Variants in RBFOX3 observed in about 807,000 individuals in gnomAD.
RBFOX3 encodes the protein RNA binding protein fox-1 homolog 3.
Under a neutral mutation model 48.7 loss-of-function variants are expected in RBFOX3, and 17 were observed. The observed-to-expected ratio is 0.35, with a 90% CI of 0.24 to 0.52. The LOEUF is 0.52. Among genes scored for constraint, RBFOX3 ranks in the 20% least tolerant of loss-of-function variants. RBFOX3 has a pLI of 0.94. For synonymous variants in RBFOX3, 212 were observed against 209.5 expected (o/e 1.01, Z -0.10); for missense variants, 382 against 497.5 (o/e 0.77, Z 2.21).
rs981850645 is a variant in RBFOX3, at chr17:79,090,140, C to T, written c.*743G>A. The stretch of plus-strand genomic sequence containing the variant: ...TCCTTGGCCTCAGGGCCCACTTGGC[C>T]ACACTTGGAGGTGTGAGGAGTGGCT... On this transcript the variant is annotated 3_prime_UTR_variant, in exon 15 of 15. Transcript: ENST00000693108. 3.9e-5 allele frequency: 6 copies of T among 152,362 alleles called. No individual in the cohort carries two copies. The highest frequency in any genetic ancestry group is 2.6e-4 in the Admixed American group (4 of 15,292). 9.4% of individuals were successfully genotyped at this position (152,362 alleles called of 1,614,324 possible).
chr17:79,172,312 T>C (rs2049506329), intron 4 of RBFOX3, among the ~76,000 whole-genome samples: 1 of 152,208 alleles, frequency 6.6e-6, no homozygotes, highest in Non-Finnish European at 1.5e-5. Flanking sequence ...AACATCTTTA[T>C]GAAAACCATG....
intron 2 of RBFOX3, among the ~76,000 whole-genome samples, chr17:79,323,942 T>C (rs1436299046): frequency 1.3e-5 from 2 of 152,246 alleles, no homozygotes; most frequent in South Asian, 4.1e-4. Context: ...TTTGCAAATC[T>C]TCAGGTGCCC....
At chr17:79,194,036 C>T (rs929216066) in intron 4 of RBFOX3, among the ~76,000 whole-genome samples, 2 of 152,126 alleles carry the variant, frequency 1.3e-5, no homozygotes, top group African/African-American at 2.4e-5. Flanking sequence ...AAGGCAGCAC[C>T]GAAACCCTGA....
intron 1 of RBFOX3, among the ~76,000 whole-genome samples, chr17:79,487,619 G>C (rs1373017572): frequency 6.6e-6 from 1 of 152,104 alleles, no homozygotes; most frequent in Non-Finnish European, 1.5e-5. Flanking sequence ...AGTCAATCTG[G>C]GTGAGTGGCA....
chr17:79,292,959 A>G (rs1000191988), intron 3 of RBFOX3, among the ~76,000 whole-genome samples: 1 of 152,060 alleles, frequency 6.6e-6, no homozygotes, highest in Admixed American at 6.6e-5. Flanking sequence ...GGGTTTTTAT[A>G]CCTGCCCCCA....
intron 4 of RBFOX3, among the ~76,000 whole-genome samples, chr17:79,155,206 T>C (rs1056258643): frequency 6.6e-6 from 1 of 152,220 alleles, no homozygotes; most frequent in African/African-American, 2.4e-5. Flanking sequence ...GGTTTTATTG[T>C]GAACACAGAG....
Position 79,214,619 on chromosome 17 carries a change from G to A in RBFOX3, c.-34+21147C>T, listed in dbSNP as rs188945928. On this transcript the variant is annotated intron_variant, in intron 4 of 14. Transcript: ENST00000693108. The surrounding 1 kb of genome is among the most constrained non-coding windows in gnomAD (Gnocchi z 4.7). ...GCCTCTGTGGCTGTCCAGGGAGAGA[G>A]AGGAGGAGCCCAGGCTCCCAGGCAG... 2.4e-3 allele frequency among the ~76,000 whole-genome samples: 368 copies of A among 152,108 alleles called. 8 individuals carry two copies. Among genetic ancestry groups the A allele is most frequent in the Admixed American group, 0.016 (243 of 15,298 alleles).
chr17:79,650,654 C>T, the RBFOX3 span, among the ~76,000 whole-genome samples: 1 of 152,082 alleles, frequency 6.6e-6, no homozygotes, highest in Non-Finnish European at 1.5e-5. Context: ...CCCCAGAACC[C>T]AGGACCCACC....
At chr17:79,651,029 G>T in the RBFOX3 span, among the ~76,000 whole-genome samples, 1 of 152,238 alleles carries the variant, frequency 6.6e-6, no homozygotes. Flanking sequence ...TCCAGGCAGG[G>T]GATTCCAGGT....
intron 4 of RBFOX3, among the ~76,000 whole-genome samples, chr17:79,149,203 A>G (rs1264856512): frequency 6.6e-6 from 1 of 152,212 alleles, no homozygotes; most frequent in Non-Finnish European, 1.5e-5. Flanking sequence ...TACACCAGGG[A>G]TGGTGTTTCC....
intron 4 of RBFOX3, among the ~76,000 whole-genome samples, chr17:79,200,413 C>T (rs1163701155): frequency 6.6e-6 from 1 of 152,350 alleles, no homozygotes; most frequent in East Asian, 1.9e-4. Flanking sequence ...AGGTGTCCCA[C>T]CTAGTCTAAG....
chr17:79,181,438 C>T (rs2051917381), intron 4 of RBFOX3, among the ~76,000 whole-genome samples: 1 of 152,242 alleles, frequency 6.6e-6, no homozygotes. Flanking sequence ...CCTATCCTGA[C>T]TCCCTGTGAT....
intron 2 of RBFOX3, among the ~76,000 whole-genome samples, chr17:79,340,058 G>A (rs1344614991): frequency 6.6e-6 from 1 of 152,138 alleles, no homozygotes; most frequent in Non-Finnish European, 1.5e-5. Context: ...CAGCACTTTG[G>A]GAGGCCAAGG....
At chr17:79,409,534 C>T (rs2148551341) in intron 2 of RBFOX3, among the ~76,000 whole-genome samples, 1 of 152,344 alleles carries the variant, frequency 6.6e-6, no homozygotes, top group South Asian at 2.1e-4. Flanking sequence ...CCTTCTGTGG[C>T]CTATGAAGTG....
chr17:79,176,214 G>A (rs2050509943), intron 4 of RBFOX3, among the ~76,000 whole-genome samples: 1 of 152,212 alleles, frequency 6.6e-6, no homozygotes, highest in African/African-American at 2.4e-5. Context: ...CAGGGCGAGG[G>A]CATGGCCCTT....
intron 2 of RBFOX3, among the ~76,000 whole-genome samples, chr17:79,409,023 C>T (rs1439052849): frequency 6.6e-6 from 1 of 152,184 alleles, no homozygotes; most frequent in Non-Finnish European, 1.5e-5. Context: ...CAGCCCTCAG[C>T]GACCACCAAT....
chr17:79,275,387 T>G (rs1391842754), intron 3 of RBFOX3, among the ~76,000 whole-genome samples: 1 of 152,104 alleles, frequency 6.6e-6, no homozygotes, highest in African/African-American at 2.4e-5. Context: ...AGCCTGGGCC[T>G]CACACTTGTT....
chr17:79,437,997 G>T (rs549330666), intron 2 of RBFOX3, among the ~76,000 whole-genome samples: 1 of 151,814 alleles, frequency 6.6e-6, no homozygotes, highest in South Asian at 2.1e-4. Context: ...GCAGACACAG[G>T]TACACATGTA....
At chr17:79,287,987 C>A (rs1005549790) in intron 3 of RBFOX3, among the ~76,000 whole-genome samples, 1 of 152,206 alleles carries the variant, frequency 6.6e-6, no homozygotes, top group Admixed American at 6.5e-5. Flanking sequence ...GCTGCAACCC[C>A]TCTCGGGCTC....
Sources: allele counts gnomAD v4.1 joint callset (sites outside exome capture counted in the v4.1 genomes callset), GRCh38; gene constraint gnomAD v4.1.1; non-coding constraint Gnocchi (gnomAD v3.1); transcripts MANE v1.5; gene names NCBI Gene and HGNC (gene_info 2026-07-23, HGNC 2026-07-21).